ZC3H12B: variants seen among roughly 807,000 people sequenced by gnomAD.
ZC3H12B encodes the protein zinc finger CCCH-type containing 12B.
ZC3H12B carries 7 observed loss-of-function variants against 43.9 expected under a neutral mutation model. The observed-to-expected ratio is 0.16, with a 90% CI of 0.09 to 0.30. The LOEUF is 0.30. Ranked by LOEUF, ZC3H12B falls within the 10% of genes least tolerant of loss-of-function variation. The pLI, the probability that ZC3H12B is intolerant of heterozygous loss-of-function variation, is 1.00. For synonymous variants in ZC3H12B, 222 were observed against 241.7 expected, an observed-to-expected ratio of 0.92 and a Z score of 0.76; for missense variants, 475 against 670.2, an observed-to-expected ratio of 0.71 and a Z score of 3.22.
At chrX:65,333,187 G>T in the ZC3H12B span, among the ~76,000 whole-genome samples, 563 of 111,271 alleles carry the variant, frequency 5.1e-3, 2 homozygotes, top group African/African-American at 0.016. Flanking sequence ...TGTAGACAAG[G>T]TAGGGGGCCA....
the ZC3H12B span, among the ~76,000 whole-genome samples, chrX:65,324,231 G>T: frequency 1.8e-5 from 2 of 111,902 alleles, no homozygotes; most frequent in Admixed American, 1.9e-4. Context: ...GGCTTTGGTT[G>T]TAATTGCTTT....
the ZC3H12B span, among the ~76,000 whole-genome samples, chrX:65,164,234 A>G: frequency 1.3e-4 from 15 of 111,149 alleles, no homozygotes; most frequent in African/African-American, 4.9e-4. Context: ...TTGGGTTGGG[A>G]ATGAAATCAC....
the ZC3H12B span, among the ~76,000 whole-genome samples, chrX:65,198,806 C>G: frequency 8.9e-6 from 1 of 111,918 alleles, no homozygotes; most frequent in East Asian, 2.8e-4. Flanking sequence ...ATCTCTCTCT[C>G]TGCCTCCTCT....
the ZC3H12B span, among the ~76,000 whole-genome samples, chrX:65,122,867 G>A: frequency 3.6e-5 from 4 of 111,586 alleles, no homozygotes; most frequent in African/African-American, 9.8e-5. Flanking sequence ...CAATACAGGA[G>A]CACCCAGATT....
At chrX:65,268,916 A>G in the ZC3H12B span, among the ~76,000 whole-genome samples, 1 of 112,600 alleles carries the variant, frequency 8.9e-6, no homozygotes, top group African/African-American at 3.2e-5. Context: ...AAGGCATTCA[A>G]ATTAGAAAGA....
chrX:65,171,302 G>T, the ZC3H12B span, among the ~76,000 whole-genome samples: 1 of 111,370 alleles, frequency 9.0e-6, no homozygotes, highest in Non-Finnish European at 1.9e-5. Context: ...TTTGCTGCAA[G>T]TCCACTCCAG....
intron 3 of ZC3H12B, among the ~76,000 whole-genome samples, chrX:65,457,456 C>G (rs1465920927): frequency 1.2e-5 from 1 of 82,438 alleles, no homozygotes; most frequent in Non-Finnish European, 2.2e-5. Flanking sequence ...GGGTCAGCCC[C>G]CCGCCCGGCC....
chrX:65,414,699 A>G (rs181025182), intron 3 of ZC3H12B, among the ~76,000 whole-genome samples: 14 of 111,346 alleles, frequency 1.3e-4, no homozygotes, highest in African/African-American at 2.6e-4. Flanking sequence ...AGAGTTGTCT[A>G]TGTATCCAGA....
At chrX:65,265,022 G>A in the ZC3H12B span, among the ~76,000 whole-genome samples, 1 of 111,673 alleles carries the variant, frequency 9.0e-6, no homozygotes, top group African/African-American at 3.2e-5. Flanking sequence ...TAGAATTCGG[G>A]ACTGCAGACT....
At chrX:65,359,448 T>C in the ZC3H12B span, among the ~76,000 whole-genome samples, 1 of 112,129 alleles carries the variant, frequency 8.9e-6, no homozygotes, top group Non-Finnish European at 1.9e-5. Flanking sequence ...TAAGAACTTG[T>C]GCACTTCATG....
intron 2 of ZC3H12B, among the ~76,000 whole-genome samples, chrX:65,376,457 G>A (rs1469502458): frequency 9.0e-6 from 1 of 111,240 alleles, no homozygotes; most frequent in Non-Finnish European, 1.9e-5. Context: ...GTTACAATGG[G>A]CCTTGGGTGA....
the ZC3H12B span, among the ~76,000 whole-genome samples, chrX:65,137,920 G>C: frequency 1.8e-5 from 2 of 112,064 alleles, no homozygotes; most frequent in Non-Finnish European, 3.8e-5. Flanking sequence ...CCTTCACCTC[G>C]TGGGTTCAAG....
the ZC3H12B span, among the ~76,000 whole-genome samples, chrX:65,036,945 C>T: frequency 9.2e-6 from 1 of 108,562 alleles, no homozygotes; most frequent in Non-Finnish European, 1.9e-5. Flanking sequence ...GCTTATTTTG[C>T]AAATGCTATC....
the ZC3H12B span, among the ~76,000 whole-genome samples, chrX:65,318,994 C>A: frequency 9.0e-6 from 1 of 111,063 alleles, no homozygotes. Context: ...AAATGAACAA[C>A]CTAACATTAC....
At chrX:65,134,867 A>T in the ZC3H12B span, among the ~76,000 whole-genome samples, 3 of 111,100 alleles carry the variant, frequency 2.7e-5, no homozygotes, top group African/African-American at 9.8e-5. Context: ...TAGGTAAGGG[A>T]AAATTACAGT....
intron 2 of ZC3H12B, among the ~76,000 whole-genome samples, chrX:65,380,496 C>A (rs1430321636): frequency 3.6e-5 from 4 of 111,751 alleles, no homozygotes; most frequent in Non-Finnish European, 7.5e-5. Flanking sequence ...CCAGCCACTG[C>A]AAAATCATGC....
chrX:65,383,714 G>A (rs1212646008), intron 2 of ZC3H12B, among the ~76,000 whole-genome samples: 1 of 110,386 alleles, frequency 9.1e-6, no homozygotes, highest in African/African-American at 3.3e-5. Flanking sequence ...TCTGACAAAG[G>A]GCTAATATCC....
the ZC3H12B span, among the ~76,000 whole-genome samples, chrX:65,209,765 A>G: frequency 3.8e-5 from 4 of 105,948 alleles, no homozygotes; most frequent in African/African-American, 1.4e-4. Context: ...ATAATGCCAC[A>G]TATCTACAAC....
At chrX:65,445,846 C>T (rs1414016250) in intron 3 of ZC3H12B, among the ~76,000 whole-genome samples, 3 of 112,176 alleles carry the variant, frequency 2.7e-5, no homozygotes, top group African/African-American at 6.5e-5. Flanking sequence ...TTTATTGTTG[C>T]TAAGCTCATA....
Sources: allele counts gnomAD v4.1 joint callset (sites outside exome capture counted in the v4.1 genomes callset), GRCh38; gene constraint gnomAD v4.1.1; transcripts MANE v1.5; gene names NCBI Gene and HGNC (gene_info 2026-07-23, HGNC 2026-07-21).